SNORC: variants seen among roughly 807,000 people sequenced by gnomAD.
SNORC encodes secondary ossification center associated regulator of chondrocyte maturation.
SNORC carries 11 observed loss-of-function variants against 9.7 expected under a neutral mutation model. That is an observed-to-expected ratio of 1.14 (90% CI 0.72 to 1.88). The LOEUF (loss-of-function observed/expected upper bound fraction) is 1.88. Among genes scored for constraint, SNORC ranks in the 40% most tolerant of loss-of-function variants. The pLI, the probability that SNORC is intolerant of heterozygous loss-of-function variation, is 0.00. For missense variants in SNORC, 197 were observed against 173.1 expected (o/e 1.14, Z -0.77); for synonymous variants, 108 against 88.7 (o/e 1.22, Z -1.22).
At chr2:232,867,392 G>A (rs1051562993), upstream of SNORC, among the ~76,000 whole-genome samples, 2 of 152,148 alleles carry the variant, frequency 1.3e-5, no homozygotes, top group Admixed American at 6.5e-5. Flanking sequence ...AGTTTTCCAA[G>A]TAGAGTTCTA....
At chr2:232,867,520 T>C (rs1315906333), upstream of SNORC, among the ~76,000 whole-genome samples, 1 of 152,262 alleles carries the variant, frequency 6.6e-6, no homozygotes, top group Non-Finnish European at 1.5e-5. Flanking sequence ...ACCTTTAGCA[T>C]GGTTATAATA....
chr2:232,874,822 C>G (rs796668233), intron 1 of SNORC, among the ~76,000 whole-genome samples: 20 of 152,360 alleles, frequency 1.3e-4, no homozygotes, highest in African/African-American at 4.8e-4. Context: ...GCAGCACAAC[C>G]GCTCCTGCAA....
chr2:232,871,242 G>C (rs949090312), intron 1 of SNORC, among the ~76,000 whole-genome samples: 5 of 152,126 alleles, frequency 3.3e-5, no homozygotes, highest in African/African-American at 1.2e-4. Flanking sequence ...GCATGGCCTG[G>C]GGAGAGCTTC....
upstream of SNORC, chr2:232,870,226 G>T: frequency 1.1e-6 from 1 of 932,108 alleles, no homozygotes; most frequent in East Asian, 2.6e-5. Flanking sequence ...GGAGGACAGA[G>T]TTTGCATTGA....
chr2:232,877,502 C>A, downstream of SNORC: 1 of 255,430 alleles, frequency 3.9e-6, no homozygotes, highest in Non-Finnish European at 6.2e-6. Flanking sequence ...CTTAATGTAT[C>A]TGAAGATTCC....
chr2:232,871,529 G>C (rs1403757707), intron 1 of SNORC, among the ~76,000 whole-genome samples: 1 of 152,216 alleles, frequency 6.6e-6, no homozygotes, highest in Non-Finnish European at 1.5e-5. Flanking sequence ...CCCACATCCA[G>C]TTAGCGCGAA....
chr2:232,877,805 C>CTATT (rs1345044326), downstream of SNORC: 10 of 152,212 alleles, frequency 6.6e-5, no homozygotes, highest in Non-Finnish European at 1.0e-4. Context: ...TGAAACTGAC[C>CTATT]TATTTTCCTA....
exon 1 of SNORC, chr2:232,870,307 C>A: frequency 7.8e-6 from 12 of 1,543,196 alleles, no homozygotes; most frequent in Non-Finnish European, 9.6e-6. Context: ...GTCCTCCGTG[C>A]GTCCCGCCCG....
intron 1 of SNORC, among the ~76,000 whole-genome samples, chr2:232,871,749 G>A (rs1287338994): frequency 6.6e-6 from 1 of 152,220 alleles, no homozygotes; most frequent in Non-Finnish European, 1.5e-5. Context: ...TGTGATCTTT[G>A]CAGCCCCCTC....
intron 1 of SNORC, among the ~76,000 whole-genome samples, chr2:232,870,906 A>G (rs1691003180): frequency 6.6e-6 from 1 of 152,194 alleles, no homozygotes; most frequent in Non-Finnish European, 1.5e-5. Context: ...GAGGGAGAGA[A>G]TACAAGGCCC....
At chr2:232,867,039 C>T (rs988779138), upstream of SNORC, among the ~76,000 whole-genome samples, 1 of 152,148 alleles carries the variant, frequency 6.6e-6, no homozygotes, top group Non-Finnish European at 1.5e-5. Flanking sequence ...GTGATCCTCC[C>T]ATCTCGGCCT....
downstream of SNORC, chr2:232,877,346 G>C (rs749496861): frequency 5.1e-6 from 5 of 985,452 alleles, no homozygotes; most frequent in Non-Finnish European, 6.0e-6. Flanking sequence ...CACCTCGGAA[G>C]CATTTAGAGA....
upstream of SNORC, among the ~76,000 whole-genome samples, chr2:232,866,637 TTC>T (rs1211145711): frequency 6.6e-6 from 1 of 152,206 alleles, no homozygotes; most frequent in East Asian, 1.9e-4. Context: ...GAGATTAATT[TTC>T]TGTTTGCACG....
chr2:232,872,939 C>T (rs1034312292), intron 1 of SNORC, among the ~76,000 whole-genome samples: 15 of 152,222 alleles, frequency 9.9e-5, no homozygotes, highest in East Asian at 5.8e-4. Context: ...GCTGTCATTC[C>T]GAGCCTATGT....
intron 1 of SNORC, among the ~76,000 whole-genome samples, chr2:232,873,735 AC>A (rs1691114643): frequency 6.6e-6 from 1 of 152,168 alleles, no homozygotes; most frequent in Non-Finnish European, 1.5e-5. Context: ...CTGAGGCAGC[AC>A]GCCAGGGGCC....
intron 1 of SNORC, among the ~76,000 whole-genome samples, chr2:232,874,491 C>A (rs760631858): frequency 6.6e-6 from 1 of 152,206 alleles, no homozygotes; most frequent in African/African-American, 2.4e-5. Flanking sequence ...AACCTTTCGG[C>A]CTTTCTTTGT....
At chr2:232,871,617 G>GGGCGCCAGCCTCCCTTGTGGTGGAAGA (rs1343505138) in intron 1 of SNORC, among the ~76,000 whole-genome samples, 1 of 152,240 alleles carries the variant, frequency 6.6e-6, no homozygotes. Context: ...CAAGCTGGGA[G>GGGCGCCAGCCTCCCTTGTGGTGGAAGA]GGCGCCAGCC....
chr2:232,876,850 C>T, downstream of SNORC: 1 of 985,538 alleles, frequency 1.0e-6, no homozygotes, highest in Non-Finnish European at 1.2e-6. The surrounding 1 kb of genome is among the most constrained non-coding windows in gnomAD (Gnocchi z 6.8). Flanking sequence ...GGGCGCGGGC[C>T]GAGGCCCTCG....
downstream of SNORC, chr2:232,876,436 C>G (rs1409354268): frequency 6.9e-7 from 1 of 1,440,496 alleles, no homozygotes; most frequent in South Asian, 1.4e-5. The surrounding 1 kb of genome is among the most constrained non-coding windows in gnomAD (Gnocchi z 6.8). Context: ...GCGTGCGTGT[C>G]CGCGCATGCA....
Sources: gnomAD v4.1 joint callset for allele counts (sites outside exome capture counted in the v4.1 genomes callset) on GRCh38, gnomAD v4.1.1 for gene constraint, Gnocchi (gnomAD v3.1) non-coding constraint, MANE v1.5 for transcripts, NCBI Gene and HGNC (gene_info 2026-07-23, HGNC 2026-07-21) for gene names.